The following CACNA1C variants were observed in gnomAD, a reference collection of about 807,000 sequenced individuals.
CACNA1C encodes voltage-dependent L-type calcium channel subunit alpha-1C.
A neutral mutation model predicts 229.0 loss-of-function variants in CACNA1C; 30 were observed. The observed-to-expected ratio is 0.13, with a 90% confidence interval of 0.10 to 0.18. CACNA1C has a LOEUF of 0.18. Ranked by LOEUF, CACNA1C falls within the 10% of genes least tolerant of loss-of-function variation. The pLI is 1.00. For synonymous variants in CACNA1C, 1,114 were observed against 1,132.5 expected, an observed-to-expected ratio of 0.98 and a Z score of 0.33; for missense variants, 1,658 against 2,845.0, an observed-to-expected ratio of 0.58 and a Z score of 9.49.
At position 2,605,723 on chromosome 12, in the gene CACNA1C, C is replaced by T. The variant is rs775739185; in HGVS notation, c.3093C>T (p.Asn1031=). The T allele has an allele frequency of 6.2e-7, 1 of 1,614,068 alleles. No individual in the cohort carries two copies. Among genetic ancestry groups the T allele is most frequent in the Non-Finnish European group, 8.5e-7 (1 of 1,179,936 alleles). Residue 1031 remains asparagine (N), a synonymous_variant, in exon 24 of 47, where the codon AAC becomes AAT. Coordinates refer to ENST00000399655, the MANE Select transcript of CACNA1C (RefSeq NM_000719.7). This position sits in a 1 kb window ranked among gnomAD's most constrained non-coding sequence, Gnocchi z 6.2. ...TTGTCGCCATCCGGACCATCGGGAA[C>T]ATCGTGATTGTCACCACCCTGCTGC... ...CVFVAIRTIG[N]IVIVTTLLQF...
chr12:2,317,708 C>T (rs1406867499), intron 3 of CACNA1C, among the ~76,000 whole-genome samples: 3 of 152,198 alleles, frequency 2.0e-5, no homozygotes, highest in South Asian at 2.1e-4. Flanking sequence ...CAAATGAATA[C>T]TTGCTGTATC....
At chr12:2,475,286 G>A (rs2099620078) in intron 5 of CACNA1C, among the ~76,000 whole-genome samples, 1 of 151,490 alleles carries the variant, frequency 6.6e-6, no homozygotes, top group African/African-American at 2.4e-5. Flanking sequence ...GCAACAGAGT[G>A]AGACTCCATC....
At chr12:1,985,202 A>C (rs2037351459) in intron 1 of CACNA1C, among the ~76,000 whole-genome samples, 1 of 152,084 alleles carries the variant, frequency 6.6e-6, no homozygotes, top group African/African-American at 2.4e-5. Flanking sequence ...ATTTTTTCAA[A>C]TATTTATGAG....
At chr12:2,636,464 A>T (rs1392132228) in intron 30 of CACNA1C, among the ~76,000 whole-genome samples, 1 of 152,252 alleles carries the variant, frequency 6.6e-6, no homozygotes, top group African/African-American at 2.4e-5. Context: ...GAACCCGTCC[A>T]GCAGCTCCTG....
At position 2,479,833 on chromosome 12, in the gene CACNA1C, TTTCTTTTCATCCA is replaced by T. The variant is rs2099664042; in HGVS notation, c.758-6270_758-6258del. 6.6e-6 allele frequency among the ~76,000 whole-genome samples: 1 copy of T among 152,200 alleles called. No individual in the cohort carries two copies. Among genetic ancestry groups the T allele is most frequent in the African/African-American group, 2.4e-5 (1 of 41,444 alleles). The stretch of plus-strand genomic sequence containing the variant: ...TCCCAGGCTTGAGGTTGACTCGCCA[TTTCTTTTCATCCA>T]GGCTTTCCGTATTGGCAGAATCTCA... On this transcript the variant is annotated intron_variant, in intron 5 of 46. Transcript: ENST00000399655. The surrounding 1 kb of genome is among the most constrained non-coding windows in gnomAD (Gnocchi z 4.3).
chr12:2,456,307 G>A (rs546502678), intron 4 of CACNA1C, among the ~76,000 whole-genome samples: 15 of 152,268 alleles, frequency 9.9e-5, no homozygotes, highest in African/African-American at 2.9e-4. Context: ...AGTGTCTCGC[G>A]CCTGGATGAC....
chr12:2,124,147 T>TGC (rs1296133253), intron 3 of CACNA1C, among the ~76,000 whole-genome samples: 5 of 136,258 alleles, frequency 3.7e-5, no homozygotes, highest in African/African-American at 1.4e-4. Flanking sequence ...TGTGTGTGTG[T>TGC]GTGCAGTCAT....
At position 2,342,999 on chromosome 12, in the gene CACNA1C, A is replaced by G. The variant is rs143644133; in HGVS notation, c.478-105977A>G. Among the ~76,000 whole-genome samples, 279 of 152,314 alleles carry G rather than the reference A, an allele frequency of 1.8e-3. 1 individual carries two copies. The highest frequency in any genetic ancestry group is 6.4e-3 in the African/African-American group (265 of 41,568). On this transcript the variant is annotated intron_variant, in intron 3 of 46. Transcript: ENST00000399655. ...TGCAAGGCAGATAGGATCATTTCCA[A>G]TTTGCTGATTAAAAGAGAAAAAACA... is the stretch of plus-strand genomic sequence containing the variant.
rs1215211901 is a variant in CACNA1C at position 2,689,592 on chromosome 12, C to A, written c.6117+813C>A. On this transcript the variant is annotated intron_variant, in intron 46 of 46. Transcript: ENST00000399655. This position sits in a 1 kb window ranked among gnomAD's most constrained non-coding sequence, Gnocchi z 4.2. Reference sequence around the variant, plus strand: ...TGAAAGGTAGTGAGCCCCCCATCATCAGACATAGCCAAGCAGAGACTGTGC... The same window carrying A: ...TGAAAGGTAGTGAGCCCCCCATCATAAGACATAGCCAAGCAGAGACTGTGC... Among the ~76,000 whole-genome samples, 1 of 152,012 alleles carries A rather than the reference C, an allele frequency of 6.6e-6. No homozygotes were observed. Among genetic ancestry groups the A allele is most frequent in the South Asian group, 2.1e-4 (1 of 4,814 alleles).
intron 3 of CACNA1C, among the ~76,000 whole-genome samples, chr12:2,316,176 C>T (rs986892562): frequency 1.4e-4 from 22 of 152,190 alleles, no homozygotes; most frequent in African/African-American, 4.8e-4. Flanking sequence ...GGCAGGCCCC[C>T]AAAGCTGAAC....
chr12:2,683,659 G>A (rs767329219), intron 43 of CACNA1C, among the ~76,000 whole-genome samples: 10 of 152,072 alleles, frequency 6.6e-5, no homozygotes, highest in Non-Finnish European at 1.2e-4. Context: ...GCAGGCCAGC[G>A]GCAGGTGTGC....
chr12:2,084,995 G>A (rs1168673897), intron 1 of CACNA1C, among the ~76,000 whole-genome samples: 2 of 152,152 alleles, frequency 1.3e-5, no homozygotes, highest in African/African-American at 2.4e-5. Context: ...CCAGATTTGT[G>A]TCAGCAGCAC....
chr12:2,639,606 G>A lies in CACNA1C; in HGVS notation c.3912+5226G>A, dbSNP rs775258740. Among the ~76,000 whole-genome samples the A allele has an allele frequency of 6.6e-6, 1 of 152,168 alleles. No homozygotes were observed. The highest frequency in any genetic ancestry group is 6.5e-5 in the Admixed American group (1 of 15,282). On this transcript the variant is annotated intron_variant, in intron 30 of 46. Coordinates refer to ENST00000399655, the MANE Select transcript of CACNA1C (RefSeq NM_000719.7). This position sits in a 1 kb window ranked among gnomAD's most constrained non-coding sequence, Gnocchi z 4.2. ...TGAATGCAAAAGTGAGGAGTGAGAG[G>A]TTTAGGATGGTCTCTTGCAACTCTA...
At chr12:2,643,554 T>C (rs1478749901) in intron 30 of CACNA1C, among the ~76,000 whole-genome samples, 3 of 152,242 alleles carry the variant, frequency 2.0e-5, no homozygotes, top group Non-Finnish European at 4.4e-5. Context: ...CATTCAGCTT[T>C]AGAAGGCTTG....
intron 3 of CACNA1C, among the ~76,000 whole-genome samples, chr12:2,218,896 T>A (rs1415447909): frequency 6.6e-6 from 1 of 152,168 alleles, no homozygotes. Flanking sequence ...AGTGTCACTG[T>A]ATGCGTTGAA....
At chr12:2,556,845 C>T (rs1290013938) in intron 10 of CACNA1C, 106 bp from the exon 11 acceptor site, 1 of 885,990 alleles carries the variant, frequency 1.1e-6, no homozygotes, top group South Asian at 1.3e-5. Context: ...TTCCAGCACC[C>T]ACACGAAATT....
At chr12:2,617,227 C>T (rs1182989477) in intron 29 of CACNA1C, among the ~76,000 whole-genome samples, 1 of 152,174 alleles carries the variant, frequency 6.6e-6, no homozygotes, top group African/African-American at 2.4e-5. Context: ...CAGGACTAGT[C>T]GGTAGCCTGG....
In CACNA1C at chr12:2,258,186, A is replaced by G. The variant is rs546615080; in HGVS notation, c.477+137756A>G. Among the ~76,000 whole-genome samples, 3 of 152,334 alleles carry G rather than the reference A, an allele frequency of 2.0e-5. No individual in the cohort carries two copies. In the South Asian group the frequency reaches 6.2e-4, roughly 32 times the overall value. The stretch of plus-strand genomic sequence containing the variant: ...CATCTTATTTCTGGTTATTTGCCAG[A>G]AGCTTTCACACACATGATCTCATTC... On this transcript the variant is annotated intron_variant, in intron 3 of 46. Coordinates refer to ENST00000399655, the MANE Select transcript of CACNA1C (RefSeq NM_000719.7).
rs189225118 is a variant in CACNA1C, at chr12:2,687,496, G to A, written c.5785-951G>A. 5.3e-5 allele frequency among the ~76,000 whole-genome samples: 8 copies of A among 151,912 alleles called. No homozygotes were observed. In the East Asian group the frequency reaches 1.6e-3, roughly 29 times the overall value. On this transcript the variant is annotated intron_variant, in intron 45 of 46. Coordinates refer to ENST00000399655, the MANE Select transcript of CACNA1C (RefSeq NM_000719.7). Reference sequence around the variant, plus strand: ...CAGACAGGCCTGGTCCCTACCCTCAGGATGCTCAAGAATATTCAGGGACAG... The same window carrying A: ...CAGACAGGCCTGGTCCCTACCCTCAAGATGCTCAAGAATATTCAGGGACAG...
Sources: gnomAD v4.1 joint callset for allele counts (sites outside exome capture counted in the v4.1 genomes callset) on GRCh38, gnomAD v4.1.1 for gene constraint, Gnocchi (gnomAD v3.1) non-coding constraint, MANE v1.5 for transcripts, NCBI Gene and HGNC (gene_info 2026-07-23, HGNC 2026-07-21) for gene names.